Variants in ADORA2B observed in about 807,000 individuals in gnomAD.
ADORA2B encodes adenosine receptor A2b.
A neutral mutation model predicts 20.8 loss-of-function variants in ADORA2B; 18 were observed. The ratio of observed to expected loss-of-function variants is 0.87; its 90% CI spans 0.60 to 1.29. The LOEUF (loss-of-function observed/expected upper bound fraction) is 1.29. Ranked by LOEUF, ADORA2B falls within the 50% of genes most tolerant of loss-of-function variation. The pLI, the probability that ADORA2B is intolerant of heterozygous loss-of-function variation, is 0.00. For missense variants in ADORA2B, 441 were observed against 422.7 expected (o/e 1.04, Z -0.38); for synonymous variants, 179 against 178.3 (o/e 1.00, Z -0.03).
At chr17:15,908,755 C>T in the ADORA2B span, 3 of 153,066 alleles carry the variant, frequency 2.0e-5, no homozygotes, top group African/African-American at 7.2e-5. Context: ...AAGGCAGGCT[C>T]AATCCTAGTG....
At chr17:15,935,385 A>C in the ADORA2B span, among the ~76,000 whole-genome samples, 7,650 of 152,034 alleles carry the variant, frequency 0.05, 625 homozygotes, top group African/African-American at 0.17. Flanking sequence ...GATGGCTCTT[A>C]TGGTCTCCAT....
At chr17:15,854,578 T>C in the ADORA2B span, among the ~76,000 whole-genome samples, 1 of 152,346 alleles carries the variant, frequency 6.6e-6, no homozygotes, top group Admixed American at 6.5e-5. Context: ...GAATGCCCCA[T>C]ATTGTCACTT....
chr17:15,915,720 G>A, the ADORA2B span, among the ~76,000 whole-genome samples: 1 of 152,138 alleles, frequency 6.6e-6, no homozygotes, highest in Non-Finnish European at 1.5e-5. Context: ...GAAGGCCAGT[G>A]GTGATGTTCA....
the ADORA2B span, among the ~76,000 whole-genome samples, chr17:15,905,656 C>T: frequency 1.4e-5 from 2 of 147,724 alleles, no homozygotes; most frequent in Admixed American, 6.9e-5. Context: ...GCTACTGCAC[C>T]CAGCTGGTTT....
the ADORA2B span, among the ~76,000 whole-genome samples, chr17:15,930,549 GC>G: frequency 3.3e-5 from 5 of 152,168 alleles, no homozygotes; most frequent in Admixed American, 3.3e-4. Flanking sequence ...GTGTGCCTTG[GC>G]CTCACAAAGT....
intron 1 of ADORA2B, among the ~76,000 whole-genome samples, chr17:15,958,168 G>A (rs1054554738): frequency 2.6e-5 from 4 of 152,092 alleles, no homozygotes; most frequent in Non-Finnish European, 5.9e-5. Context: ...ACAGGCGTGC[G>A]CCACTGCATC....
chr17:15,907,238 G>T, the ADORA2B span, among the ~76,000 whole-genome samples: 1 of 151,896 alleles, frequency 6.6e-6, no homozygotes, highest in Non-Finnish European at 1.5e-5. Flanking sequence ...ATTGTTCTAG[G>T]TGTACCTGCG....
chr17:15,872,152 A>G, the ADORA2B span, among the ~76,000 whole-genome samples: 3 of 152,156 alleles, frequency 2.0e-5, no homozygotes, highest in Admixed American at 2.0e-4. Flanking sequence ...GTGGCTGCTT[A>G]GTGGGTACAG....
intron 1 of ADORA2B, among the ~76,000 whole-genome samples, chr17:15,969,950 A>T (rs897201444): frequency 1.3e-5 from 2 of 152,128 alleles, no homozygotes; most frequent in Non-Finnish European, 2.9e-5. Flanking sequence ...AAAGCAGCAC[A>T]TGTTGTTCTC....
chr17:15,863,379 T>C, the ADORA2B span, among the ~76,000 whole-genome samples: 1 of 152,176 alleles, frequency 6.6e-6, no homozygotes, highest in Admixed American at 6.5e-5. Flanking sequence ...GGGGTCTCGC[T>C]CTGTTGCCCA....
chr17:15,968,936 G>A (rs571300489), intron 1 of ADORA2B, among the ~76,000 whole-genome samples: 5 of 152,282 alleles, frequency 3.3e-5, no homozygotes, highest in South Asian at 4.1e-4. Context: ...GTTTGGTTGT[G>A]CGGTTCCTCC....
chr17:15,892,927 A>G, the ADORA2B span, among the ~76,000 whole-genome samples: 1 of 152,206 alleles, frequency 6.6e-6, no homozygotes, highest in Non-Finnish European at 1.5e-5. Context: ...AGCATCTTCT[A>G]GAAGCAAATG....
chr17:15,874,042 G>GTGTGTGTATA, the ADORA2B span, among the ~76,000 whole-genome samples: 2,654 of 134,776 alleles, frequency 0.02, 74 homozygotes, highest in Admixed American at 0.046. Flanking sequence ...ATATATATGT[G>GTGTGTGTATA]TATATATATA....
At chr17:15,927,333 A>T in the ADORA2B span, among the ~76,000 whole-genome samples, 2 of 152,196 alleles carry the variant, frequency 1.3e-5, no homozygotes, top group African/African-American at 4.8e-5. Context: ...AATGTAAAAA[A>T]TTAGCCGGGC....
the ADORA2B span, among the ~76,000 whole-genome samples, chr17:15,923,197 CTTTTTTTAATTTTTTTT>C: frequency 3.3e-5 from 3 of 90,334 alleles, no homozygotes; most frequent in East Asian, 8.1e-4. Context: ...TAATTTCTTT[CTTTTTTTAATTTTTTTT>C]TTTTTTTGTA....
the ADORA2B span, among the ~76,000 whole-genome samples, chr17:15,860,257 A>T: frequency 6.6e-6 from 1 of 152,202 alleles, no homozygotes; most frequent in Admixed American, 6.5e-5. Flanking sequence ...TCCCAGACGA[A>T]TAAACCCCTT....
intron 1 of ADORA2B, among the ~76,000 whole-genome samples, chr17:15,967,047 G>A (rs1006963862): frequency 3.9e-5 from 6 of 152,220 alleles, no homozygotes; most frequent in African/African-American, 1.4e-4. Flanking sequence ...CAGGGAGGGA[G>A]GCAGAGTCTG....
At chr17:15,920,090 G>C in the ADORA2B span, among the ~76,000 whole-genome samples, 1 of 151,946 alleles carries the variant, frequency 6.6e-6, no homozygotes, top group Non-Finnish European at 1.5e-5. Context: ...CTTTTATTTT[G>C]AAGCCTTATA....
At chr17:15,959,254 G>A (rs1359963266) in intron 1 of ADORA2B, among the ~76,000 whole-genome samples, 4 of 152,050 alleles carry the variant, frequency 2.6e-5, no homozygotes, top group African/African-American at 7.3e-5. Flanking sequence ...TAATTGCAGG[G>A]ATTTTTTAAA....
Sources: allele counts gnomAD v4.1 joint callset (sites outside exome capture counted in the v4.1 genomes callset), GRCh38; gene constraint gnomAD v4.1.1; transcripts MANE v1.5; gene names NCBI Gene and HGNC (gene_info 2026-07-23, HGNC 2026-07-21).